Variants in PCDHGA4 observed in about 807,000 individuals in gnomAD.
The protein encoded by PCDHGA4 is protocadherin gamma-A4.
PCDHGA4 carries 38 observed loss-of-function variants against 54.6 expected under a neutral mutation model. The ratio of observed to expected loss-of-function variants is 0.70; its 90% CI spans 0.54 to 0.91. PCDHGA4 has a LOEUF of 0.91. PCDHGA4 is among the 40% of genes least tolerant of loss of function. The pLI, the probability that PCDHGA4 is intolerant of heterozygous loss-of-function variation, is 0.00. For synonymous variants in PCDHGA4, 511 were observed against 512.9 expected (o/e 1.00, Z 0.05); for missense variants, 1,298 against 1,220.9 (o/e 1.06, Z -0.94).
chr5:141,379,540 G>C (rs1322397241), intron 1 of PCDHGA4: 2 of 152,194 alleles, frequency 1.3e-5, no homozygotes, highest in Non-Finnish European at 2.9e-5. Context: ...TATAGGGAAA[G>C]CTCACTAACT....
At chr5:141,405,301 G>C (rs369812265) in intron 1 of PCDHGA4, 2 of 1,614,082 alleles carry the variant, frequency 1.2e-6, no homozygotes, top group African/African-American at 2.7e-5. Context: ...TCAGCCAGCA[G>C]AGCTGTGAGA....
In PCDHGA4 at chr5:141,366,223, C is replaced by T. The variant is rs141416995; in HGVS notation, c.2514+8602C>T. 8,329 of 1,613,836 alleles carry T rather than the reference C, an allele frequency of 5.2e-3. 46 individuals are homozygous for T. The highest frequency in any genetic ancestry group is 9.4e-3 in the Admixed American group (566 of 60,034). The stretch of plus-strand genomic sequence containing the variant: ...CGGGCGAGGTGCGCACAGCGCGAGC[C>T]CTGCTGGACAGAGACGCGCTCAAGC... On this transcript the variant is annotated intron_variant, in intron 1 of 3. Coordinates refer to ENST00000571252, the MANE Select transcript of PCDHGA4 (RefSeq NM_018917.4).
chr5:141,367,840 G>A (rs1011519474), intron 1 of PCDHGA4: 3 of 151,982 alleles, frequency 2.0e-5, no homozygotes, highest in Admixed American at 2.0e-4. Flanking sequence ...AATACCTACT[G>A]CAATGTTAGC....
chr5:141,385,381 T>C, intron 1 of PCDHGA4: 1 of 1,517,334 alleles, frequency 6.6e-7, no homozygotes, highest in South Asian at 1.3e-5. Context: ...TATTTCTCTA[T>C]TATTTTGCAA....
chr5:141,362,412 A>T, intron 1 of PCDHGA4: 1 of 1,614,034 alleles, frequency 6.2e-7, no homozygotes, highest in Non-Finnish European at 8.5e-7. Context: ...TTGCCTCACA[A>T]TCAGCCAAGA....
intron 1 of PCDHGA4, chr5:141,415,794 A>C: frequency 7.3e-7 from 1 of 1,366,410 alleles, no homozygotes; most frequent in Non-Finnish European, 9.3e-7. Context: ...AAATTCACCT[A>C]GTCTCAATCA....
chr5:141,366,653 T>C (rs1764716259), intron 1 of PCDHGA4: 3 of 1,614,122 alleles, frequency 1.9e-6, no homozygotes, highest in Non-Finnish European at 1.7e-6. Context: ...CCAGCCCAAC[T>C]ACGCAGACAC....
Position 141,431,062 on chromosome 5 carries a change from G to C in PCDHGA4, c.2515-63745G>C, listed in dbSNP as rs2097341170. On this transcript the variant is annotated intron_variant, in intron 1 of 3. Coordinates refer to ENST00000571252, the MANE Select transcript of PCDHGA4 (RefSeq NM_018917.4). This position sits in a 1 kb window ranked among gnomAD's most constrained non-coding sequence, Gnocchi z 4.8. ...AGGAGCTCTGTATGGGGGCCATCAA[G>C]TGTCAATTAAATCTAGACATTCTGA... 6.2e-7 allele frequency: 1 copy of C among 1,614,212 alleles called. No individual in the cohort carries two copies. The highest frequency in any genetic ancestry group is 1.3e-5 in the African/African-American group (1 of 75,084).
intron 1 of PCDHGA4, chr5:141,420,165 C>T: frequency 6.2e-7 from 1 of 1,614,022 alleles, no homozygotes; most frequent in South Asian, 1.1e-5. Flanking sequence ...AATTTTTTCA[C>T]ATCTGTTGAT....
chr5:141,454,908 C>T (rs1370482009), intron 1 of PCDHGA4, among the ~76,000 whole-genome samples: 3 of 145,392 alleles, frequency 2.1e-5, no homozygotes, highest in Non-Finnish European at 4.5e-5. Context: ...CCCGGGTTCA[C>T]GCCATTCTCC....
At position 141,421,727 on chromosome 5, in the gene PCDHGA4, C is replaced by T. The variant is rs779718690; in HGVS notation, c.2514+64106C>T. The T allele has an allele frequency of 4.3e-6, 7 of 1,613,798 alleles. No individual in the cohort carries two copies. In the African/African-American group the frequency reaches 9.3e-5, roughly 22 times the overall value. ...AGGGATCCAGATGTGGGCGTGAACT[C>T]CCTCCAGAGCTACCAGCTCAGCCCT... On this transcript the variant is annotated intron_variant, in intron 1 of 3. Coordinates refer to ENST00000571252, the MANE Select transcript of PCDHGA4 (RefSeq NM_018917.4).
chr5:141,375,581 C>T, intron 1 of PCDHGA4: 1 of 1,614,174 alleles, frequency 6.2e-7, no homozygotes, highest in Non-Finnish European at 8.5e-7. Context: ...CCAGGGGGCG[C>T]CCCTGTCCTC....
At chr5:141,392,980 C>T (rs1327544903) in intron 1 of PCDHGA4, 1 of 1,613,716 alleles carries the variant, frequency 6.2e-7, no homozygotes, top group Non-Finnish European at 8.5e-7. Context: ...GGGCTGGACC[C>T]CCGGAAGCTG....
intron 1 of PCDHGA4, chr5:141,414,274 G>C: frequency 1.9e-6 from 3 of 1,613,368 alleles, no homozygotes; most frequent in Non-Finnish European, 2.5e-6. Flanking sequence ...TTCACCTCTG[G>C]GAACAGTCGT....
intron 1 of PCDHGA4, among the ~76,000 whole-genome samples, chr5:141,386,362 G>A (rs1285554716): frequency 6.6e-6 from 1 of 152,108 alleles, no homozygotes; most frequent in African/African-American, 2.4e-5. Context: ...CTTGATTCCA[G>A]AGACCTTTGA....
At chr5:141,408,478 T>C (rs1433834175) in intron 1 of PCDHGA4, 1 of 1,614,056 alleles carries the variant, frequency 6.2e-7, no homozygotes, top group Non-Finnish European at 8.5e-7. Context: ...GAATAGACCG[T>C]GAGCAAATAT....
At position 141,487,370 on chromosome 5, in the gene PCDHGA4, T is replaced by C; in HGVS notation, c.2515-7437T>C. 6.2e-7 allele frequency: 1 copy of C among 1,614,232 alleles called. No individual in the cohort carries two copies. Among genetic ancestry groups the C allele is most frequent in the South Asian group, 1.1e-5 (1 of 91,080 alleles). On this transcript the variant is annotated intron_variant, in intron 1 of 3. Transcript: ENST00000571252. The surrounding 1 kb of genome is among the most constrained non-coding windows in gnomAD (Gnocchi z 5.0). ...ATGCTTTCCTGCTGGCACCTGTGCC[T>C]GTCTCACCAGATCTCGAAGGAGGGA... is the stretch of plus-strand genomic sequence containing the variant.
chr5:141,456,746 T>C (rs548254725), intron 1 of PCDHGA4, among the ~76,000 whole-genome samples: 51 of 151,874 alleles, frequency 3.4e-4, no homozygotes, highest in African/African-American at 1.0e-3. Context: ...GGGAGCATCA[T>C]GAGGTCAGGA....
chr5:141,383,826 T>G, intron 1 of PCDHGA4: 1 of 1,613,966 alleles, frequency 6.2e-7, no homozygotes, highest in Non-Finnish European at 8.5e-7. Flanking sequence ...GATTAGATTA[T>G]GAAGAAACTG....
Sources: gnomAD v4.1 joint callset for allele counts (sites outside exome capture counted in the v4.1 genomes callset) on GRCh38, gnomAD v4.1.1 for gene constraint, Gnocchi (gnomAD v3.1) non-coding constraint, MANE v1.5 for transcripts, NCBI Gene and HGNC (gene_info 2026-07-23, HGNC 2026-07-21) for gene names.